USP54: variants seen among roughly 807,000 people sequenced by gnomAD.
USP54 encodes the protein ubiquitin carboxyl-terminal hydrolase 54.
Under a neutral mutation model 170.5 loss-of-function variants are expected in USP54, and 87 were observed. The ratio of observed to expected loss-of-function variants is 0.51; its 90% confidence interval spans 0.43 to 0.61. The LOEUF is 0.61. USP54 is among the 20% of genes least tolerant of loss of function. The pLI, the probability that USP54 is intolerant of heterozygous loss-of-function variation, is 0.00. For missense variants in USP54, 1,786 were observed against 2,047.8 expected, an observed-to-expected ratio of 0.87 and a Z score of 2.47; for synonymous variants, 655 against 742.8, an observed-to-expected ratio of 0.88 and a Z score of 1.92.
chr10:73,524,333 A>T (rs893115392), intron 16 of USP54, among the ~76,000 whole-genome samples: 1 of 150,844 alleles, frequency 6.6e-6, no homozygotes, highest in Admixed American at 6.6e-5. Context: ...TAATCCCAGC[A>T]CTCTGGGAGG....
chr10:73,523,873 TTTATTATTTATTATTATTA>T (rs1383987117), intron 16 of USP54, 123 bp from the exon 17 acceptor site: 1 of 197,838 alleles, frequency 5.1e-6, no homozygotes, highest in East Asian at 1.3e-4. Flanking sequence ...AGTTTATTTA[TTTATTATTTATTATTATTA>T]TTATTATTAT....
intron 1 of USP54, among the ~76,000 whole-genome samples, chr10:73,613,653 C>T (rs900397230): frequency 2.0e-5 from 3 of 151,214 alleles, no homozygotes; most frequent in Non-Finnish European, 3.0e-5. Context: ...TGAGGCAGGC[C>T]GACCACCTGA....
intron 4 of USP54, among the ~76,000 whole-genome samples, chr10:73,568,756 T>C (rs1295132889): frequency 6.6e-6 from 1 of 152,138 alleles, no homozygotes; most frequent in Non-Finnish European, 1.5e-5. Context: ...CTTTGATAAA[T>C]ACATCCCCAA....
At chr10:73,617,820 G>A (rs2080765200) in intron 1 of USP54, among the ~76,000 whole-genome samples, 1 of 149,808 alleles carries the variant, frequency 6.7e-6, no homozygotes. Flanking sequence ...TGAGGTGAGA[G>A]GATTGTTTGA....
At chr10:73,521,048 C>T (rs2061808284) in intron 17 of USP54, 21 bp from the exon 18 acceptor site, 2 of 1,612,654 alleles carry the variant, frequency 1.2e-6, no homozygotes, top group African/African-American at 2.7e-5. Flanking sequence ...CAGCACTTTT[C>T]ATTTTCATTA....
At chr10:73,505,970 C>T (rs1418947494) in intron 20 of USP54, 1 of 152,320 alleles carries the variant, frequency 6.6e-6, no homozygotes, top group African/African-American at 2.4e-5. Context: ...TTCTGTCAGA[C>T]TTAGGCTCAA....
In USP54 at chr10:73,516,738, G is replaced by A. The variant is rs1395819830; in HGVS notation, c.3688C>T (p.Pro1230Ser). The A allele has an allele frequency of 6.2e-7, 1 of 1,614,044 alleles. No individual in the cohort carries two copies. The highest frequency in any genetic ancestry group is 8.5e-7 in the Non-Finnish European group (1 of 1,180,050). ...GACAGCTTCTCTTGGTATATGTCTG[G>A]CTCTGCCAACCTGGGCTGTCCTCCG... is the stretch of plus-strand genomic sequence containing the variant. ...SSGGQPRLAE[P>S]DIYQEKLSQV... The change falls in exon 20 of 24, where the codon CCA (proline) becomes TCA (serine). Residue 1230 changes from proline (P) to serine (S), a missense_variant. By Grantham distance (74) the Pro-to-Ser change is moderately conservative. Coordinates refer to ENST00000687698, the MANE Select transcript of USP54 (RefSeq NM_001391956.1).
chr10:73,565,575 T>C (rs2073570704), intron 4 of USP54, among the ~76,000 whole-genome samples: 1 of 152,182 alleles, frequency 6.6e-6, no homozygotes, highest in Non-Finnish European at 1.5e-5. Context: ...ACTCTGTTGT[T>C]ACTTTTCAGC....
intron 4 of USP54, among the ~76,000 whole-genome samples, chr10:73,564,865 C>T (rs1044692623): frequency 9.5e-5 from 14 of 147,746 alleles, no homozygotes; most frequent in African/African-American, 3.3e-4. Context: ...GAATTCAAGA[C>T]CAGCCTTGGG....
At chr10:73,502,573 A>G (rs1360406329) in intron 22 of USP54, among the ~76,000 whole-genome samples, 2 of 152,114 alleles carry the variant, frequency 1.3e-5, no homozygotes, top group Admixed American at 6.5e-5. Context: ...TCAGCCTCCC[A>G]AAGTGCTGGG....
chr10:73,500,875 G>C, intron 22 of USP54, 37 bp from the exon 23 acceptor site: 1 of 1,573,566 alleles, frequency 6.4e-7, no homozygotes, highest in Non-Finnish European at 8.6e-7. Flanking sequence ...ATAGAGATGA[G>C]GATTAACACA....
chr10:73,550,027 G>A (rs138177089), intron 4 of USP54, among the ~76,000 whole-genome samples: 14 of 152,022 alleles, frequency 9.2e-5, no homozygotes, highest in Admixed American at 7.9e-4. Context: ...AGGTTCAAGC[G>A]ATTCTGCTGC....
chr10:73,552,512 C>T (rs991929364), intron 4 of USP54, among the ~76,000 whole-genome samples: 6 of 152,056 alleles, frequency 3.9e-5, no homozygotes, highest in African/African-American at 1.4e-4. Flanking sequence ...ATACATCAGC[C>T]GGGCGTGGTG....
intron 1 of USP54, among the ~76,000 whole-genome samples, chr10:73,621,532 G>A (rs1464293453): frequency 6.7e-6 from 1 of 150,026 alleles, no homozygotes; most frequent in Non-Finnish European, 1.5e-5. Flanking sequence ...CCCAGGAGGC[G>A]GAGCTTGCAG....
intron 1 of USP54, among the ~76,000 whole-genome samples, chr10:73,589,766 G>T (rs1228994268): frequency 6.6e-6 from 1 of 152,190 alleles, no homozygotes; most frequent in African/African-American, 2.4e-5. Flanking sequence ...CAGTGTGAGA[G>T]AGCAAGCACA....
intron 12 of USP54, among the ~76,000 whole-genome samples, chr10:73,532,827 T>C (rs868757203): frequency 3.3e-5 from 5 of 151,594 alleles, no homozygotes; most frequent in Admixed American, 1.3e-4. Flanking sequence ...GGAAAAAAAA[T>C]AGAGGAAAAA....
intron 20 of USP54, among the ~76,000 whole-genome samples, chr10:73,509,105 C>CAAAA (rs34441562): frequency 1.5e-4 from 7 of 47,280 alleles, no homozygotes; most frequent in African/African-American, 2.2e-4. Context: ...ATCATACTGG[C>CAAAA]AAAAAAAAAA....
chr10:73,606,764 AGCTACTTGGGAG>A (rs575848489), intron 1 of USP54, among the ~76,000 whole-genome samples: 1 of 151,880 alleles, frequency 6.6e-6, no homozygotes, highest in Admixed American at 6.6e-5. Context: ...CTGCAGTCTC[AGCTACTTGGGAG>A]GCTGAGGCAG....
chr10:73,604,086 T>C (rs1027445845), intron 1 of USP54, among the ~76,000 whole-genome samples: 1 of 151,826 alleles, frequency 6.6e-6, no homozygotes, highest in African/African-American at 2.4e-5. Flanking sequence ...CTGTCTGTAC[T>C]AAAAATACAA....
Sources: gnomAD v4.1 joint callset for allele counts (sites outside exome capture counted in the v4.1 genomes callset) on GRCh38, gnomAD v4.1.1 for gene constraint, MANE v1.5 for transcripts, NCBI Gene and HGNC (gene_info 2026-07-23, HGNC 2026-07-21) for gene names.